Variants in ST18 observed in about 807,000 individuals in gnomAD.
ST18 encodes suppression of tumorigenicity 18 protein.
Under a neutral mutation model 110.0 loss-of-function variants are expected in ST18, and 50 were observed. The observed-to-expected ratio is 0.45, with a 90% confidence interval of 0.36 to 0.58. The LOEUF (loss-of-function observed/expected upper bound fraction) is 0.58, where lower values mean the gene tolerates loss of function less well. Among genes scored for constraint, ST18 ranks in the 20% least tolerant of loss-of-function variants. The pLI, the probability that ST18 is intolerant of heterozygous loss-of-function variation, is 0.00. For missense variants in ST18, 1,306 were observed against 1,280.1 expected, an observed-to-expected ratio of 1.02 and a Z score of -0.31; for synonymous variants, 461 against 452.4, an observed-to-expected ratio of 1.02 and a Z score of -0.24.
Position 52,197,889 on chromosome 8 carries a change from GCACACACACA to G in ST18, c.86+14180_86+14189del, listed in dbSNP as rs57662247. ...GAGGGAAAACAGCAAAACAAAATGA[GCACACACACA>G]CACACACACACACAAATACAGAACT... On this transcript the variant is annotated intron_variant, in intron 8 of 25. Coordinates refer to ENST00000689386, the MANE Select transcript of ST18 (RefSeq NM_001352837.2). Among the ~76,000 whole-genome samples the G allele has an allele frequency of 2.0e-5, 3 of 150,150 alleles. No homozygotes were observed. The East Asian group carries it at 5.9e-4, about 30-fold the overall frequency.
chr8:52,382,895 T>C (rs1835098159), intron 2 of ST18, among the ~76,000 whole-genome samples: 1 of 151,974 alleles, frequency 6.6e-6, no homozygotes, highest in Admixed American at 6.6e-5. Context: ...GAAGTGGACA[T>C]TCTGTGACAG....
In ST18 at chr8:52,111,877, T is replaced by C. The variant is rs146886891; in HGVS notation, c.*1321A>G. ...TCCCTGAAATAGACATTGCCTTTAC[T>C]ATAGAAACTATGAAACTCTGATCCG... On this transcript the variant is annotated 3_prime_UTR_variant, in exon 26 of 26. Transcript: ENST00000689386. 2.9e-4 allele frequency: 45 copies of C among 152,758 alleles called. No individual in the cohort carries two copies. The highest frequency in any genetic ancestry group is 1.1e-3 in the African/African-American group (45 of 41,570). 9.5% of individuals were successfully genotyped at this position (152,758 alleles called of 1,614,324 possible). A position where few individuals can be genotyped will look rare whatever the true frequency, so the allele number is the denominator to read the frequency against.
At position 52,140,622 on chromosome 8, in the gene ST18, G is replaced by A. The variant is rs571575458; in HGVS notation, c.2168+2308C>T. ...AATGGATGAACTAAGAGGCCTCTGA[G>A]AGAGTAATTTCTTAAGAATTTTTGG... is the stretch of plus-strand genomic sequence containing the variant. On this transcript the variant is annotated intron_variant, in intron 17 of 25. Transcript: ENST00000689386. 1.8e-3 allele frequency among the ~76,000 whole-genome samples: 256 copies of A among 139,098 alleles called. 14 individuals are homozygous for A. The South Asian group carries it at 0.053, about 29-fold the overall frequency. 91.3% of individuals were successfully genotyped at this position (139,098 alleles called of 152,430 possible).
rs1428252969 is a variant in ST18, at chr8:52,172,258, A to G, written c.603T>C (p.Asn201=). The G allele has an allele frequency of 6.2e-7, 1 of 1,614,000 alleles. No individual in the cohort carries two copies. The highest frequency in any genetic ancestry group is 1.7e-5 in the Admixed American group (1 of 60,002). Residue 201 remains asparagine (N), a synonymous_variant, in exon 10 of 26, where the codon AAT becomes AAC. Transcript: ENST00000689386. Reference sequence around the variant, plus strand: ...AGAAGTTGGAGCCACTGTCCCAGCCATTTTCTGCACTTTCAGAGTTACTTT... The same window carrying G: ...AGAAGTTGGAGCCACTGTCCCAGCCGTTTTCTGCACTTTCAGAGTTACTTT... ...DNESNSESAE[N]GWDSGSNFSE...
intron 2 of ST18, among the ~76,000 whole-genome samples, chr8:52,293,256 C>T (rs1271761219): frequency 1.3e-5 from 2 of 152,208 alleles, no homozygotes; most frequent in East Asian, 1.9e-4. Flanking sequence ...GAAGCACTGG[C>T]TGCTCTGTTT....
intron 22 of ST18, among the ~76,000 whole-genome samples, chr8:52,126,667 T>C (rs7010468): frequency 0.047 from 7,209 of 152,324 alleles, 342 homozygotes; most frequent in African/African-American, 0.12. Context: ...AGTTTGGTTA[T>C]GGGAATGTTT....
intron 23 of ST18, 51 bp downstream of exon 23, chr8:52,126,001 C>T: frequency 1.4e-6 from 2 of 1,458,150 alleles, no homozygotes; most frequent in Non-Finnish European, 1.9e-6. Context: ...CTTTGGGGAG[C>T]CAGGGTCTAC....
intron 2 of ST18, among the ~76,000 whole-genome samples, chr8:52,365,599 C>T (rs550746896): frequency 1.0e-3 from 157 of 151,470 alleles, no homozygotes; most frequent in African/African-American, 3.5e-3. Flanking sequence ...AAAAAACTTA[C>T]GTTATTTATG....
At chr8:52,235,155 AC>A (rs2092421413) in intron 2 of ST18, among the ~76,000 whole-genome samples, 2 of 152,192 alleles carry the variant, frequency 1.3e-5, no homozygotes, top group Admixed American at 6.5e-5. Flanking sequence ...TAAAAATTAC[AC>A]GATGAATGCC....
chr8:52,176,117 G>A (rs1024938634), intron 9 of ST18, among the ~76,000 whole-genome samples: 2 of 151,914 alleles, frequency 1.3e-5, no homozygotes, highest in Non-Finnish European at 1.5e-5. Context: ...CGCCTCCCAG[G>A]TACAAGTGAT....
chr8:52,179,021 AT>A (rs1429845202), intron 9 of ST18, among the ~76,000 whole-genome samples: 7 of 152,298 alleles, frequency 4.6e-5, no homozygotes, highest in African/African-American at 1.4e-4. Context: ...TAAGAATCTC[AT>A]TGCCTTTTGT....
At chr8:52,314,232 C>T (rs1283780442) in intron 2 of ST18, among the ~76,000 whole-genome samples, 2 of 152,218 alleles carry the variant, frequency 1.3e-5, no homozygotes, top group Non-Finnish European at 2.9e-5. Flanking sequence ...TGAGAACCTG[C>T]TCCAGAAAGT....
At chr8:52,211,583 T>C (rs927548843) in intron 8 of ST18, among the ~76,000 whole-genome samples, 1 of 151,932 alleles carries the variant, frequency 6.6e-6, no homozygotes, top group Non-Finnish European at 1.5e-5. Context: ...ATTTTTTATA[T>C]TTTAGTAGAG....
intron 2 of ST18, among the ~76,000 whole-genome samples, chr8:52,310,573 G>A (rs1340928693): frequency 6.6e-6 from 1 of 151,884 alleles, no homozygotes; most frequent in Admixed American, 6.6e-5. Context: ...GCTGAACAAA[G>A]AAATTTAAGG....
rs183849178 is a variant in ST18 at position 52,328,189 on chromosome 8, G to C, written c.-465+81139C>G. 5.9e-4 allele frequency among the ~76,000 whole-genome samples: 90 copies of C among 152,280 alleles called. No homozygotes were observed. In the East Asian group the frequency reaches 0.016, roughly 28 times the overall value. On this transcript the variant is annotated intron_variant, in intron 2 of 25. Coordinates refer to ENST00000689386, the MANE Select transcript of ST18 (RefSeq NM_001352837.2). Reference sequence around the variant, plus strand: ...ATCACACAAGGGAAGTGCAAATCCTGTACTAATTAAGCCTCAATAGTTTTC... The same window carrying C: ...ATCACACAAGGGAAGTGCAAATCCTCTACTAATTAAGCCTCAATAGTTTTC...
At chr8:52,398,196 T>A (rs1269133418) in intron 2 of ST18, among the ~76,000 whole-genome samples, 1 of 152,158 alleles carries the variant, frequency 6.6e-6, no homozygotes, top group African/African-American at 2.4e-5. Flanking sequence ...TGAAATGGGA[T>A]CATTTTCTTG....
At chr8:52,247,472 A>T (rs2093953863) in intron 2 of ST18, among the ~76,000 whole-genome samples, 1 of 152,148 alleles carries the variant, frequency 6.6e-6, no homozygotes, top group South Asian at 2.1e-4. Flanking sequence ...ATGCAACTAA[A>T]CGAACTTCAG....
chr8:52,203,623 G>A (rs2078837280), intron 8 of ST18, among the ~76,000 whole-genome samples: 1 of 152,178 alleles, frequency 6.6e-6, no homozygotes, highest in South Asian at 2.1e-4. Context: ...ATTAAAATGA[G>A]ACCTCAAATA....
rs557466161 is a variant in ST18 at position 52,143,545 on chromosome 8, T to A, written c.2053-500A>T. On this transcript the variant is annotated intron_variant, in intron 16 of 25. Transcript: ENST00000689386. ...AAGAATATGTCCTGGTTGTTACAGA[T>A]CTTTATCCTAAGTGAAGAATGAAAA... Among the ~76,000 whole-genome samples, 13 of 152,268 alleles carry A rather than the reference T, an allele frequency of 8.5e-5. No homozygotes were observed. In the South Asian group the frequency reaches 2.7e-3, roughly 32 times the overall value.
Sources: gnomAD v4.1 joint callset for allele counts (sites outside exome capture counted in the v4.1 genomes callset) on GRCh38, gnomAD v4.1.1 for gene constraint, MANE v1.5 for transcripts, NCBI Gene and HGNC (gene_info 2026-07-23, HGNC 2026-07-21) for gene names.